Variants in ADAMTS13 observed in about 807,000 individuals in gnomAD.
ADAMTS13 encodes the protein A disintegrin and metalloproteinase with thrombospondin motifs 13.
A neutral mutation model predicts 155.1 loss-of-function variants in ADAMTS13; 110 were observed. The ratio of observed to expected loss-of-function variants is 0.71; its 90% CI spans 0.61 to 0.83. The LOEUF is 0.83. ADAMTS13 is among the 40% of genes least tolerant of loss of function. The pLI, the probability that ADAMTS13 is intolerant of heterozygous loss-of-function variation, is 0.00. For synonymous variants in ADAMTS13, 758 were observed against 756.4 expected (o/e 1.00, Z -0.03); for missense variants, 1,707 against 1,891.7 (o/e 0.90, Z 1.81).
At chr9:133,415,411 CTT>C (rs11428403) in intron 1 of ADAMTS13, among the ~76,000 whole-genome samples, 2 of 143,548 alleles carry the variant, frequency 1.4e-5, no homozygotes, top group Non-Finnish European at 1.5e-5. Flanking sequence ...ACAGAAATCG[CTT>C]TTTTTTTTTT....
In ADAMTS13 at chr9:133,429,587, T is replaced by C. The variant is rs1440539972; in HGVS notation, c.825-352T>C. ...CTACCCCTCCGTCCACTCTCCACGC[T>C]CCATCAGTCCCACACCCCTATCTCC... On this transcript the variant is annotated intron_variant, in intron 7 of 28. Transcript: ENST00000355699. 1.3e-5 allele frequency: 3 copies of C among 224,992 alleles called. 1 individual carries two copies. Among genetic ancestry groups the C allele is most frequent in the Non-Finnish European group, 2.7e-5 (3 of 111,220 alleles). The allele number at this position is 224,992 out of a possible 1,614,324, so 13.9% of individuals were successfully genotyped here. A position where few individuals can be genotyped will look rare whatever the true frequency, so the allele number is the denominator to read the frequency against.
rs933631168 is a variant in ADAMTS13 at position 133,454,586 on chromosome 9, C to T, written c.3216C>T (p.Cys1072=). ...GTGTCCCCTGTCTCATTGCCGACTG[C>T]ACCTACCGCTGGCATGTTGGCACCT... ...EASVPCLIAD[C]TYRWHVGTWM... Residue 1072 remains cysteine (C), a synonymous_variant, in exon 24 of 29, where the codon TGC becomes TGT. Transcript: ENST00000355699. 1.2e-6 allele frequency: 2 copies of T among 1,605,572 alleles called. No individual in the cohort carries two copies. The highest frequency in any genetic ancestry group is 2.7e-5 in the African/African-American group (2 of 75,064).
intron 1 of ADAMTS13, chr9:133,414,913 T>C: frequency 6.2e-7 from 1 of 1,614,038 alleles, no homozygotes; most frequent in Admixed American, 1.7e-5. Context: ...GCGAGGTCTC[T>C]TTTTTGTTTT....
chr9:133,444,605 T>C (rs990441971), intron 19 of ADAMTS13, among the ~76,000 whole-genome samples: 1 of 152,258 alleles, frequency 6.6e-6, no homozygotes, highest in African/African-American at 2.4e-5. Context: ...GGATAGGTTC[T>C]GTCTCTGCAC....
rs1842927544 is a variant in ADAMTS13 at position 133,458,962 on chromosome 9, C to T, written c.3910-12C>T. Reference sequence around the variant, plus strand: ...TGTGGCCGGTCCTTCTGGGCTGCCCCTTTTCTCTCAGATCCGGGACACCCA... The same window carrying T: ...TGTGGCCGGTCCTTCTGGGCTGCCCTTTTTCTCTCAGATCCGGGACACCCA... On this transcript the variant is annotated splice_polypyrimidine_tract_variant and intron_variant, in intron 28 of 28. Transcript: ENST00000355699. 1 of 1,612,106 alleles carries T rather than the reference C, an allele frequency of 6.2e-7. No individual in the cohort carries two copies. Among genetic ancestry groups the T allele is most frequent in the Non-Finnish European group, 8.5e-7 (1 of 1,179,500 alleles).
In ADAMTS13 at chr9:133,455,454, C is replaced by T. The variant is rs781785040; in HGVS notation, c.3400+19C>T. On this transcript the variant is annotated intron_variant, in intron 25 of 28. Transcript: ENST00000355699. ...GGACAGGGTACGCCCAGCCTGGTGC[C>T]CCACGAAGAAGCCGCTGCTCCAGGA... 1.9e-6 allele frequency: 3 copies of T among 1,612,526 alleles called. No individual in the cohort carries two copies. The highest frequency in any genetic ancestry group is 3.3e-5 in the Admixed American group (2 of 60,020).
rs1238407032 is a variant in ADAMTS13, at chr9:133,425,062, T to C, written c.331-467T>C. 6.6e-5 allele frequency among the ~76,000 whole-genome samples: 10 copies of C among 152,188 alleles called. No homozygotes were observed. Among genetic ancestry groups the C allele is most frequent in the Non-Finnish European group, 1.5e-4 (10 of 68,034 alleles). ...AAACAAGGCCAGGCGCGGTGGCTCA[T>C]GCCTATAATCCCAGCACTTTGGGAG... On this transcript the variant is annotated intron_variant, in intron 3 of 28. Transcript: ENST00000355699. This position sits in a 1 kb window ranked among gnomAD's most constrained non-coding sequence, Gnocchi z 4.6.
chr9:133,454,681 C>A, intron 24 of ADAMTS13, 62 bp downstream of exon 24: 1 of 1,526,510 alleles, frequency 6.6e-7, no homozygotes, highest in East Asian at 2.4e-5. Context: ...TGTGGCTCCT[C>A]ATGTGTGAGG....
Position 133,425,894 on chromosome 9 carries a change from C to G in ADAMTS13, c.415-44C>G. ...AAACCGACCGCAGTCAGCACCGTGCCTGGTTGGGGTGTCCTAAATGCAGGC... is the reference window on the plus strand; with the variant it reads ...AAACCGACCGCAGTCAGCACCGTGCGTGGTTGGGGTGTCCTAAATGCAGGC... On this transcript the variant is annotated intron_variant, in intron 4 of 28. Transcript: ENST00000355699. The surrounding 1 kb of genome is among the most constrained non-coding windows in gnomAD (Gnocchi z 4.6). The G allele has an allele frequency of 6.2e-7, 1 of 1,611,634 alleles. No individual in the cohort carries two copies. The highest frequency in any genetic ancestry group is 8.5e-7 in the Non-Finnish European group (1 of 1,179,872).
rs781904287 is a variant in ADAMTS13, at chr9:133,436,981, G to A, written c.1435+26G>A. On this transcript the variant is annotated intron_variant, in intron 12 of 28. Transcript: ENST00000355699. ...GTGGGGCCTGCGGAGTGTGGGGTTGGGGGAGGAGCCAGCCCTGGAGACCCT... is the reference window on the plus strand; with the variant it reads ...GTGGGGCCTGCGGAGTGTGGGGTTGAGGGAGGAGCCAGCCCTGGAGACCCT... 6 of 1,589,220 alleles carry A rather than the reference G, an allele frequency of 3.8e-6. No homozygotes were observed. In the South Asian group the frequency reaches 5.7e-5, roughly 15 times the overall value.
intron 25 of ADAMTS13, chr9:133,455,817 G>A: frequency 2.5e-6 from 2 of 788,512 alleles, no homozygotes; most frequent in Non-Finnish European, 2.1e-6. Flanking sequence ...CCCAGCTTGT[G>A]AGCCCCCTAG....
At chr9:133,451,886 C>A (rs989403026) in intron 23 of ADAMTS13, among the ~76,000 whole-genome samples, 3 of 121,522 alleles carry the variant, frequency 2.5e-5, no homozygotes, top group African/African-American at 9.2e-5. Flanking sequence ...CAGCATGAGA[C>A]CCTGTCTCAA....
At position 133,445,580 on chromosome 9, in the gene ADAMTS13, C is replaced by A; in HGVS notation, c.2611-119C>A. On this transcript the variant is annotated intron_variant, in intron 20 of 28. Coordinates refer to ENST00000355699, the MANE Select transcript of ADAMTS13 (RefSeq NM_139027.6). This position sits in a 1 kb window ranked among gnomAD's most constrained non-coding sequence, Gnocchi z 5.0. Reference sequence around the variant, plus strand: ...CTCGCCAAGGGAGGAGGGGAGGGAGCCCCTGGTGCACACACGCCACTTCCT... The same window carrying A: ...CTCGCCAAGGGAGGAGGGGAGGGAGACCCTGGTGCACACACGCCACTTCCT... 6.6e-7 allele frequency: 1 copy of A among 1,505,452 alleles called. No individual in the cohort carries two copies. The highest frequency in any genetic ancestry group is 9.1e-7 in the Non-Finnish European group (1 of 1,094,196). 93.3% of individuals were successfully genotyped at this position (1,505,452 alleles called of 1,614,324 possible).
chr9:133,430,599 C>A (rs587749083), intron 8 of ADAMTS13, among the ~76,000 whole-genome samples: 1 of 152,106 alleles, frequency 6.6e-6, no homozygotes, highest in South Asian at 2.1e-4. Context: ...TGATGGGCCC[C>A]TTCCTCCACA....
chr9:133,433,953 G>A (rs1039894908), intron 11 of ADAMTS13, among the ~76,000 whole-genome samples: 3 of 152,006 alleles, frequency 2.0e-5, no homozygotes, highest in Non-Finnish European at 2.9e-5. Context: ...AAAATTAGCC[G>A]GGCGTGGTGG....
chr9:133,420,935 A>G (rs1554782990), upstream of ADAMTS13, among the ~76,000 whole-genome samples: 1 of 152,234 alleles, frequency 6.6e-6, no homozygotes, highest in Non-Finnish European at 1.5e-5. Flanking sequence ...GCAGGAGGAC[A>G]GTGTGGGTCA....
intron 28 of ADAMTS13, among the ~76,000 whole-genome samples, chr9:133,458,542 T>A (rs587603828): frequency 4.0e-4 from 45 of 112,840 alleles, no homozygotes; most frequent in African/African-American, 1.6e-3. Flanking sequence ...GGCAACAGAG[T>A]GAGACTCTGT....
At chr9:133,418,546 C>T (rs1464774512), upstream of ADAMTS13, among the ~76,000 whole-genome samples, 1 of 152,234 alleles carries the variant, frequency 6.6e-6, no homozygotes, top group Non-Finnish European at 1.5e-5. Flanking sequence ...GGAGCATCGG[C>T]AGACTCACGT....
chr9:133,453,780 G>A (rs781960527), intron 23 of ADAMTS13, among the ~76,000 whole-genome samples: 6 of 152,152 alleles, frequency 3.9e-5, no homozygotes, highest in Non-Finnish European at 8.8e-5. Flanking sequence ...AACAATCCAC[G>A]CTCTGAGAGG....
Sources: gnomAD v4.1 joint callset for allele counts (sites outside exome capture counted in the v4.1 genomes callset) on GRCh38, gnomAD v4.1.1 for gene constraint, Gnocchi (gnomAD v3.1) non-coding constraint, MANE v1.5 for transcripts, NCBI Gene and HGNC (gene_info 2026-07-23, HGNC 2026-07-21) for gene names.